Variants in LACC1 observed in about 807,000 individuals in gnomAD.
The protein encoded by LACC1 is purine nucleoside phosphorylase LACC1.
In LACC1, 25 loss-of-function variants were observed where a neutral mutation model predicts 34.8. The ratio of observed to expected loss-of-function variants is 0.72; its 90% CI spans 0.52 to 1.00. The LOEUF is 1.00. Ranked by LOEUF, LACC1 falls within the 50% of genes least tolerant of loss-of-function variation. LACC1 has a pLI of 0.00. For synonymous variants in LACC1, 162 were observed against 168.0 expected (o/e 0.96, Z 0.28); for missense variants, 426 against 511.2 (o/e 0.83, Z 1.61).
At chr13:43,890,707 C>T (rs1221326334) in intron 6 of LACC1, among the ~76,000 whole-genome samples, 1 of 152,156 alleles carries the variant, frequency 6.6e-6, no homozygotes, top group East Asian at 1.9e-4. Flanking sequence ...TTTGCATAAA[C>T]ATTCTGAATT....
chr13:43,887,585 AAG>A (rs1955387305), intron 4 of LACC1, among the ~76,000 whole-genome samples: 1 of 152,184 alleles, frequency 6.6e-6, no homozygotes. Flanking sequence ...AGGGAGTAAA[AAG>A]AGGCTGTTAA....
In LACC1 at chr13:43,892,124, G is replaced by A. The variant is rs949395072; in HGVS notation, c.*677G>A. On this transcript the variant is annotated 3_prime_UTR_variant, in exon 7 of 7. Transcript: ENST00000325686. Reference sequence around the variant, plus strand: ...ACAGGTTGGAAACAGATAAGTAAGGGTCTCAAATGCAATGTCAAAGAGCTT... The same window carrying A: ...ACAGGTTGGAAACAGATAAGTAAGGATCTCAAATGCAATGTCAAAGAGCTT... 5.2e-4 allele frequency: 79 copies of A among 150,730 alleles called. No homozygotes were observed. The highest frequency in any genetic ancestry group is 1.7e-3 in the African/African-American group (69 of 41,068). 9.3% of individuals were successfully genotyped at this position (150,730 alleles called of 1,614,324 possible). A position where few individuals can be genotyped will look rare whatever the true frequency, so the allele number is the denominator to read the frequency against.
Position 43,881,044 on chromosome 13 carries a change from G to A in LACC1, c.59G>A (p.Cys20Tyr). The stretch of plus-strand genomic sequence containing the variant: ...TTGAAATTGAACTCTCAAAAAAACT[G>A]CCATCAGACATTACTGAAGACTTTG... ...FGLKLNSQKN[C>Y]HQTLLKTLNA... is the part of the protein sequence containing the mutation. Residue 20 changes from cysteine (C) to tyrosine (Y), a missense_variant, in exon 2 of 7, where the codon TGC becomes TAC. Around this residue, in one of 2 missense-constraint regions of LACC1, gnomAD observed 217 missense variants for 210.9 expected, o/e 1.03. Transcript: ENST00000325686. 1 of 1,614,136 alleles carries A rather than the reference G, an allele frequency of 6.2e-7. No homozygotes were observed.
In LACC1 at chr13:43,892,658, T is replaced by G. The variant is rs1461432123; in HGVS notation, c.*1211T>G. ...GAGACAAATATTTCAAAGCTTACAA[T>G]ACAGAGATGATACCTGATTCTATTG... On this transcript the variant is annotated 3_prime_UTR_variant, in exon 7 of 7. Transcript: ENST00000325686. 6.6e-6 allele frequency: 1 copy of G among 152,020 alleles called. No individual in the cohort carries two copies. The allele number at this position is 152,020 out of a possible 1,614,324, so 9.4% of individuals were successfully genotyped here.
rs532454114 is a variant in LACC1, at chr13:43,881,292, A to G, written c.307A>G (p.Ile103Val). 7.4e-6 allele frequency: 12 copies of G among 1,614,074 alleles called. No individual in the cohort carries two copies. Among genetic ancestry groups the G allele is most frequent in the Middle Eastern group, 1.6e-4 (1 of 6,084 alleles). The change falls in exon 2 of 7, where the codon ATT (isoleucine) becomes GTT (valine). Residue 103 changes from isoleucine (I) to valine (V), a missense_variant. Coordinates refer to ENST00000325686, the MANE Select transcript of LACC1 (RefSeq NM_153218.4). ...QKIDEKNLSS[I>V]KVIVPRHRKT... is the part of the protein sequence containing the mutation. ...AATTGATGAAAAAAATCTGAGCAGC[A>G]TTAAGGTAATTGTACCCAGGCACAG...
intron 3 of LACC1, 65 bp downstream of exon 3, chr13:43,882,428 G>T: frequency 8.1e-7 from 1 of 1,233,478 alleles, no homozygotes; most frequent in Admixed American, 2.5e-5. Context: ...GTAACTACAT[G>T]GACTTTAAGC....
chr13:43,890,936 C>A (rs1004545336), intron 6 of LACC1, among the ~76,000 whole-genome samples: 1 of 152,170 alleles, frequency 6.6e-6, no homozygotes, highest in South Asian at 2.1e-4. Context: ...TGAATATGTC[C>A]GTGTTCCAAT....
rs1243516507 is a variant in LACC1 at position 43,881,546 on chromosome 13, A to G, written c.561A>G (p.Pro187=). The stretch of plus-strand genomic sequence containing the variant: ...CTATTATCACTTCTTCTTTGATCCC[A>G]GGTATATTAACCACTAACTGTTGTT... ...KLTIITSSLI[P]DIFIHGFTTR... is the part of the protein sequence containing the mutation. The change falls in exon 2 of 7, where the codon CCA becomes CCG. Residue 187 remains proline, a splice_region_variant and synonymous_variant. Transcript: ENST00000325686. 1.9e-6 allele frequency: 3 copies of G among 1,586,736 alleles called. No individual in the cohort carries two copies. Among genetic ancestry groups the G allele is most frequent in the South Asian group, 1.1e-5 (1 of 87,990 alleles).
At chr13:43,889,205 A>C (rs1955462820) in intron 5 of LACC1, among the ~76,000 whole-genome samples, 1 of 152,204 alleles carries the variant, frequency 6.6e-6, no homozygotes, top group African/African-American at 2.4e-5. Context: ...ATTGATTTAA[A>C]AGTGAAGGAA....
At chr13:43,885,878 G>A (rs1317041087) in intron 4 of LACC1, among the ~76,000 whole-genome samples, 2 of 151,820 alleles carry the variant, frequency 1.3e-5, no homozygotes, top group African/African-American at 2.4e-5. Flanking sequence ...GTCTAACACC[G>A]AGACTCTATA....
At chr13:43,882,707 A>T (rs1955133684) in intron 3 of LACC1, among the ~76,000 whole-genome samples, 1 of 152,072 alleles carries the variant, frequency 6.6e-6, no homozygotes, top group Non-Finnish European at 1.5e-5. Flanking sequence ...AATAAGAATA[A>T]AGTTTCTAAG....
intron 6 of LACC1, among the ~76,000 whole-genome samples, chr13:43,890,959 A>G (rs575108801): frequency 6.6e-6 from 1 of 152,378 alleles, no homozygotes; most frequent in African/African-American, 2.4e-5. Context: ...AACTTTGTTT[A>G]CAAAAATCAG....
rs1197854712 is a variant in LACC1, at chr13:43,881,367, A to G, written c.382A>G (p.Asn128Asp). Residue 128 changes from asparagine (N) to aspartate (D), a missense_variant, in exon 2 of 7, where the codon AAT becomes GAT. Transcript: ENST00000325686. ...FIDQLFTDVYNFEFEDLQVTF... is the reference protein window; with the variant it reads ...FIDQLFTDVYDFEFEDLQVTF... Reference sequence around the variant, plus strand: ...TGATCAACTCTTCACTGATGTTTACAATTTTGAATTTGAAGATTTGCAAGT... The same window carrying G: ...TGATCAACTCTTCACTGATGTTTACGATTTTGAATTTGAAGATTTGCAAGT... The G allele has an allele frequency of 1.9e-6, 3 of 1,614,004 alleles. No homozygotes were observed. The Admixed American group carries it at 5.0e-5, about 27-fold the overall frequency.
chr13:43,887,369 G>A (rs1008662142), intron 4 of LACC1, among the ~76,000 whole-genome samples: 1 of 152,160 alleles, frequency 6.6e-6, no homozygotes, highest in Non-Finnish European at 1.5e-5. Flanking sequence ...TAAGGAAGGT[G>A]TAAGGGTACT....
intron 3 of LACC1, among the ~76,000 whole-genome samples, chr13:43,883,372 A>G (rs1315070563): frequency 6.6e-6 from 1 of 152,230 alleles, no homozygotes; most frequent in East Asian, 1.9e-4. Context: ...TGTTCCTTAC[A>G]GAATTCTAGC....
chr13:43,887,680 A>G (rs897613730), intron 4 of LACC1, among the ~76,000 whole-genome samples: 7 of 152,286 alleles, frequency 4.6e-5, no homozygotes, highest in Middle Eastern at 3.4e-3. Flanking sequence ...AGAAGACACA[A>G]ATAAATGCAG....
chr13:43,887,386 T>C (rs1239578601), intron 4 of LACC1, among the ~76,000 whole-genome samples: 2 of 152,160 alleles, frequency 1.3e-5, no homozygotes, highest in Non-Finnish European at 2.9e-5. Context: ...TACTCATTAT[T>C]GGCCAACCAT....
chr13:43,885,817 A>C (rs1270355631), intron 4 of LACC1, among the ~76,000 whole-genome samples: 1 of 152,230 alleles, frequency 6.6e-6, no homozygotes, highest in African/African-American at 2.4e-5. Context: ...CAGAGTAAAC[A>C]GAAAACCTAC....
chr13:43,886,334 T>C (rs6561150), intron 4 of LACC1, among the ~76,000 whole-genome samples: 56,126 of 152,046 alleles, frequency 0.37, 12,645 homozygotes, highest in Non-Finnish European at 0.52. Flanking sequence ...CTTTTCACAA[T>C]AATGAAGACA....
Sources: gnomAD v4.1 joint callset for allele counts (sites outside exome capture counted in the v4.1 genomes callset) on GRCh38, gnomAD v4.1.1 for gene constraint, gnomAD v4.1.1 regional missense constraint, MANE v1.5 for transcripts, NCBI Gene and HGNC (gene_info 2026-07-23, HGNC 2026-07-21) for gene names.